The following COTL1 variants were observed in gnomAD, a reference collection of about 807,000 sequenced individuals.
COTL1 encodes coactosin-like protein.
COTL1 carries 15 observed loss-of-function variants against 16.5 expected under a neutral mutation model. The ratio of observed to expected loss-of-function variants is 0.91; its 90% CI spans 0.61 to 1.40. COTL1 has a LOEUF of 1.40. Ranked by LOEUF, COTL1 falls within the 40% of genes most tolerant of loss-of-function variation. The pLI is 0.00. For missense variants in COTL1, 220 were observed against 201.5 expected (o/e 1.09, Z -0.56); for synonymous variants, 112 against 85.3 (o/e 1.31, Z -1.73).
At chr16:84,603,155 G>C (rs1312172688) in intron 2 of COTL1, among the ~76,000 whole-genome samples, 1 of 152,172 alleles carries the variant, frequency 6.6e-6, no homozygotes, top group Non-Finnish European at 1.5e-5. Context: ...CCCCTGGTTG[G>C]TGGGGGCAGA....
rs1319114797 is a variant in COTL1 at position 84,565,660 on chromosome 16, A to C, written c.*1185T>G. On this transcript the variant is annotated 3_prime_UTR_variant, in exon 4 of 4. Transcript: ENST00000262428. ...GTCTGAGTGCAGAGATGTTCTTTAC[A>C]ATCCCAATACAGTACAGATTTCTTC... 3 of 152,676 alleles carry C rather than the reference A, an allele frequency of 2.0e-5. No homozygotes were observed. The highest frequency in any genetic ancestry group is 7.2e-5 in the African/African-American group (3 of 41,468). 9.5% of individuals were successfully genotyped at this position (152,676 alleles called of 1,614,324 possible).
intron 2 of COTL1, among the ~76,000 whole-genome samples, chr16:84,608,770 G>A (rs1374439759): frequency 6.6e-6 from 1 of 152,174 alleles, no homozygotes; most frequent in Non-Finnish European, 1.5e-5. Context: ...GCCAGGCGTG[G>A]TAGCAGGCGC....
intron 2 of COTL1, among the ~76,000 whole-genome samples, chr16:84,603,756 T>TG (rs1905151396): frequency 6.6e-6 from 1 of 151,944 alleles, no homozygotes; most frequent in African/African-American, 2.4e-5. Context: ...GCATCATGCC[T>TG]GGGGACCCAG....
At chr16:84,591,371 G>C (rs987581041) in intron 2 of COTL1, among the ~76,000 whole-genome samples, 2 of 151,518 alleles carry the variant, frequency 1.3e-5, no homozygotes, top group African/African-American at 4.8e-5. Flanking sequence ...TTTTAGTAGA[G>C]ATGGGGTTTC....
rs141819579 is a variant in COTL1 at position 84,574,729 on chromosome 16, A to C, written c.319-7774T>G. Among the ~76,000 whole-genome samples the C allele has an allele frequency of 7.3e-3, 1,109 of 152,048 alleles. 16 individuals are homozygous for C. The highest frequency in any genetic ancestry group is 0.025 in the African/African-American group (1,048 of 41,462). On this transcript the variant is annotated intron_variant, in intron 3 of 3. Transcript: ENST00000262428. ...CTCCTGAGTAGCTGGGATTACAGAC[A>C]ACCACCACCACGCCTGGCTAATTTT...
intron 3 of COTL1, among the ~76,000 whole-genome samples, chr16:84,581,117 A>G (rs2326329): frequency 0.37 from 55,867 of 151,630 alleles, 11,509 homozygotes; most frequent in African/African-American, 0.56. Context: ...ACTCCAGCCT[A>G]GGCAACAGAG....
chr16:84,603,108 C>A (rs1567538992), intron 2 of COTL1, among the ~76,000 whole-genome samples: 1 of 152,200 alleles, frequency 6.6e-6, no homozygotes, highest in African/African-American at 2.4e-5. Flanking sequence ...TCTCTGCCCC[C>A]CAGTTCCCCG....
At chr16:84,582,911 C>G (rs940254196) in intron 3 of COTL1, among the ~76,000 whole-genome samples, 2 of 152,244 alleles carry the variant, frequency 1.3e-5, no homozygotes, top group African/African-American at 4.8e-5. Context: ...CCATTTCACA[C>G]AGCAGCACTT....
chr16:84,586,477 T>C (rs1262319683), intron 3 of COTL1, among the ~76,000 whole-genome samples: 1 of 151,894 alleles, frequency 6.6e-6, no homozygotes, highest in Non-Finnish European at 1.5e-5. Context: ...CCTTTGGGGG[T>C]GATGAGAAAG....
At chr16:84,613,940 C>A (rs1905399969) in intron 2 of COTL1, among the ~76,000 whole-genome samples, 1 of 152,072 alleles carries the variant, frequency 6.6e-6, no homozygotes, top group Non-Finnish European at 1.5e-5. Context: ...GTCCAGGGAC[C>A]CCCAAAATCA....
At chr16:84,588,408 C>T (rs1233806733) in intron 3 of COTL1, among the ~76,000 whole-genome samples, 1 of 152,170 alleles carries the variant, frequency 6.6e-6, no homozygotes, top group Admixed American at 6.5e-5. Context: ...TGGTACATTA[C>T]AATTAATTAA....
chr16:84,587,702 G>C (rs1399184009), intron 3 of COTL1, among the ~76,000 whole-genome samples: 2 of 152,278 alleles, frequency 1.3e-5, no homozygotes, highest in Non-Finnish European at 1.5e-5. Context: ...CCCGTCCAGA[G>C]AGTGGCCAGG....
chr16:84,585,535 T>C (rs567131159), intron 3 of COTL1, among the ~76,000 whole-genome samples: 2 of 152,296 alleles, frequency 1.3e-5, no homozygotes, highest in African/African-American at 4.8e-5. Flanking sequence ...AATCTACTTC[T>C]TCTTCATATG....
At chr16:84,597,310 C>T (rs552836164) in intron 2 of COTL1, among the ~76,000 whole-genome samples, 3 of 152,198 alleles carry the variant, frequency 2.0e-5, no homozygotes, top group South Asian at 2.1e-4. Flanking sequence ...AGATTCTTCT[C>T]CTCTGTGAGG....
At chr16:84,567,290 A>T (rs1254558223) in intron 3 of COTL1, 5 of 220,952 alleles carry the variant, frequency 2.3e-5, no homozygotes, top group Non-Finnish European at 4.5e-5. Context: ...CTGTGCCTCA[A>T]CTTTCTCATC....
At chr16:84,577,837 C>T (rs934580923) in intron 3 of COTL1, among the ~76,000 whole-genome samples, 2 of 152,154 alleles carry the variant, frequency 1.3e-5, no homozygotes, top group African/African-American at 2.4e-5. Flanking sequence ...TTGGCCAAAA[C>T]CAAATAGAGG....
intron 3 of COTL1, among the ~76,000 whole-genome samples, chr16:84,583,409 C>T (rs899820349): frequency 3.3e-5 from 5 of 152,176 alleles, no homozygotes; most frequent in African/African-American, 1.2e-4. Context: ...GTGGCTAAAT[C>T]TGGTCCCAGA....
At chr16:84,594,001 A>G (rs925474381) in intron 2 of COTL1, among the ~76,000 whole-genome samples, 1 of 152,100 alleles carries the variant, frequency 6.6e-6, no homozygotes. Flanking sequence ...TGTGCTGGAC[A>G]TTTCATTGAA....
At chr16:84,569,268 C>A (rs896956052) in intron 3 of COTL1, 1 of 152,248 alleles carries the variant, frequency 6.6e-6, no homozygotes, top group Non-Finnish European at 1.5e-5. Flanking sequence ...TTGCAGTGAG[C>A]CAAGATCGCG....
Sources: allele counts gnomAD v4.1 joint callset (sites outside exome capture counted in the v4.1 genomes callset), GRCh38; gene constraint gnomAD v4.1.1; transcripts MANE v1.5; gene names NCBI Gene and HGNC (gene_info 2026-07-23, HGNC 2026-07-21).